Variants in SMCR8 observed in about 807,000 individuals in gnomAD.
The protein encoded by SMCR8 is SMCR8-C9orf72 complex subunit, also known as guanine nucleotide exchange protein SMCR8.
A neutral mutation model predicts 56.6 loss-of-function variants in SMCR8; 30 were observed. The ratio of observed to expected loss-of-function variants is 0.53; its 90% CI spans 0.40 to 0.72. SMCR8 has a LOEUF of 0.72. SMCR8 is among the 30% of genes least tolerant of loss of function. SMCR8 has a pLI of 0.00. For missense variants in SMCR8, 1,198 were observed against 1,157.0 expected (o/e 1.04, Z -0.51); for synonymous variants, 538 against 456.0 (o/e 1.18, Z -2.29).
At position 18,317,426 on chromosome 17, in the gene SMCR8, C is replaced by T. The variant is rs778101254; in HGVS notation, c.1637C>T (p.Ser546Leu). ...SYPSAINEEE[S>L]YPDGNEGAIR... ...CCAAGTGCCATTAATGAAGAAGAAT[C>T]ATATCCAGATGGCAATGAAGGAGCC... The change falls in exon 1 of 2, where the codon TCA becomes TTA. Residue 546 changes from serine (S) to leucine (L), a missense_variant. By Grantham distance (145) the Ser-to-Leu change is moderately radical (BLOSUM62 -2). Transcript: ENST00000406438. 1.7e-5 allele frequency: 28 copies of T among 1,613,964 alleles called. No individual in the cohort carries two copies. The highest frequency in any genetic ancestry group is 2.2e-5 in the Non-Finnish European group (26 of 1,180,042).
Position 18,315,908 on chromosome 17 carries a change from AG to A in SMCR8, c.122del (p.Gly41ValfsTer33). On this transcript the variant is annotated frameshift_variant, in exon 1 of 2. Coordinates refer to ENST00000406438, the MANE Select transcript of SMCR8 (RefSeq NM_144775.3). LOFTEE classifies it high-confidence loss of function. Reference protein sequence around the residue: ...YSVPLFPFASQGANPWSKLSG... With the variant: ...YSVPLFPFASXGANPWSKLSG... ...GTGCCGCTCTTCCCCTTCGCCAGTCAGGGTGCTAACCCCTGGTCAAAACTGT... is the reference window on the plus strand; with the variant it reads ...GTGCCGCTCTTCCCCTTCGCCAGTCAGGTGCTAACCCCTGGTCAAAACTGT... The A allele has an allele frequency of 6.2e-7, 1 of 1,614,182 alleles. No individual in the cohort carries two copies. Among genetic ancestry groups the A allele is most frequent in the Non-Finnish European group, 8.5e-7 (1 of 1,180,034 alleles).
In SMCR8 at chr17:18,323,110, G is replaced by GGTAT; in HGVS notation, c.*42_*45dup. 1.3e-6 allele frequency: 2 copies of GGTAT among 1,555,498 alleles called. No individual in the cohort carries two copies. Among genetic ancestry groups the GGTAT allele is most frequent in the Non-Finnish European group, 1.8e-6 (2 of 1,138,530 alleles). On this transcript the variant is annotated 3_prime_UTR_variant, in exon 2 of 2. Transcript: ENST00000406438. ...ACTGTGACCAAGACCTGTGACTCAGGGTATGGGGAGGGGAGGGGTTGGCAT... is the reference window on the plus strand; with the variant it reads ...ACTGTGACCAAGACCTGTGACTCAGGGTATGTATGGGGAGGGGAGGGGTTGGCAT...
chr17:18,319,035 C>T (rs753076442), intron 1 of SMCR8, among the ~76,000 whole-genome samples: 1 of 152,134 alleles, frequency 6.6e-6, no homozygotes, highest in Non-Finnish European at 1.5e-5. Flanking sequence ...CGGGGCCAAA[C>T]GGGAATGGGA....
Position 18,317,221 on chromosome 17 carries a change from G to A in SMCR8, c.1432G>A (p.Glu478Lys), listed in dbSNP as rs1175621320. The A allele has an allele frequency of 6.2e-7, 1 of 1,614,020 alleles. No homozygotes were observed. Among genetic ancestry groups the A allele is most frequent in the East Asian group, 2.2e-5 (1 of 44,888 alleles). The change falls in exon 1 of 2, where the codon GAG becomes AAG. Residue 478 changes from glutamate (E) to lysine (K), a missense_variant. Physicochemically the swap from Glu to Lys is moderately conservative, Grantham distance 56. Coordinates refer to ENST00000406438, the MANE Select transcript of SMCR8 (RefSeq NM_144775.3). ...TGAAAGTATTGAAGTTTTGGGCACG[G>A]AGAAATCCACCTCCGTGCTTTCTAA... is the stretch of plus-strand genomic sequence containing the variant. The part of the protein sequence containing the change: ...SGESIEVLGT[E>K]KSTSVLSKSD...
chr17:18,322,698 C>G lies in SMCR8; in HGVS notation c.2442C>G (p.Asn814Lys). The G allele has an allele frequency of 6.2e-7, 1 of 1,614,278 alleles. No individual in the cohort carries two copies. Among genetic ancestry groups the G allele is most frequent in the Non-Finnish European group, 8.5e-7 (1 of 1,180,054 alleles). ...ACACGAGCATCCTGGACCTTGACAACAAAACCCTGCGCTGCCCCCTTTACA... is the reference window on the plus strand; with the variant it reads ...ACACGAGCATCCTGGACCTTGACAAGAAAACCCTGCGCTGCCCCCTTTACA... ...SRYTSILDLD[N>K]KTLRCPLYRG... The change falls in exon 2 of 2, where the codon AAC becomes AAG. Residue 814 changes from asparagine (N) to lysine (K), a missense_variant. Physicochemically the swap from Asn to Lys is moderately conservative, Grantham distance 94. Transcript: ENST00000406438.
intron 1 of SMCR8, among the ~76,000 whole-genome samples, chr17:18,320,843 T>C (rs1320755592): frequency 6.6e-6 from 1 of 152,126 alleles, no homozygotes; most frequent in Non-Finnish European, 1.5e-5. Context: ...TGCCACACCC[T>C]CCTCAGTCCC....
At position 18,318,580 on chromosome 17, in the gene SMCR8, T is replaced by C. The variant is rs375437505; in HGVS notation, c.2360+431T>C. On this transcript the variant is annotated intron_variant, in intron 1 of 1. Coordinates refer to ENST00000406438, the MANE Select transcript of SMCR8 (RefSeq NM_144775.3). ...CACCACACCCGGCTAACTTTTCTAT[T>C]TTTAGTAGAGACAGGGTTTCACCAT... 4.6e-5 allele frequency among the ~76,000 whole-genome samples: 7 copies of C among 152,102 alleles called. No individual in the cohort carries two copies. In the South Asian group the frequency reaches 1.5e-3, roughly 32 times the overall value.
In SMCR8 at chr17:18,322,786, T is replaced by C. The variant is rs756018525; in HGVS notation, c.2530T>C (p.Tyr844His). The part of the protein sequence containing the change: ...RTQIKRGSTY[Y>H]LHVQSMLTQL... ...ACAGATCAAGCGGGGCAGCACCTAC[T>C]ACCTGCATGTCCAGAGCATGCTCAC... Residue 844 changes from tyrosine (Y) to histidine (H), a missense_variant, in exon 2 of 2, where the codon TAC (tyrosine) becomes CAC (histidine). Coordinates refer to ENST00000406438, the MANE Select transcript of SMCR8 (RefSeq NM_144775.3). The C allele has an allele frequency of 6.2e-7, 1 of 1,613,998 alleles. No homozygotes were observed. The highest frequency in any genetic ancestry group is 8.5e-7 in the Non-Finnish European group (1 of 1,179,950).
chr17:18,323,381 T>C lies in SMCR8; in HGVS notation c.*311T>C, dbSNP rs1982561021. ...GGCAGAAGGGAAGCCACCAGTCCCT[T>C]GGTGGGGCAGGGTGAGGGCAGGAAG... On this transcript the variant is annotated 3_prime_UTR_variant, in exon 2 of 2. Transcript: ENST00000406438. 5.5e-6 allele frequency: 2 copies of C among 365,862 alleles called. No homozygotes were observed. The highest frequency in any genetic ancestry group is 1.0e-5 in the Non-Finnish European group (2 of 198,646). 22.7% of individuals were successfully genotyped at this position (365,862 alleles called of 1,614,324 possible).
At position 18,317,512 on chromosome 17, in the gene SMCR8, G is replaced by A. The variant is rs1487690425; in HGVS notation, c.1723G>A (p.Glu575Lys). The A allele has an allele frequency of 2.5e-6, 4 of 1,614,054 alleles. No individual in the cohort carries two copies. Among genetic ancestry groups the A allele is most frequent in the Middle Eastern group, 1.6e-4 (1 of 6,062 alleles). Residue 575 changes from glutamate (E) to lysine (K), a missense_variant, in exon 1 of 2, where the codon GAA becomes AAA. Transcript: ENST00000406438. ...GGGTGAGACAGAGGAAGGCAGCATA[G>A]AAAACACCCCATCACAAATAGACTC... ...ELGETEEGSI[E>K]NTPSQIDSSC...
intron 1 of SMCR8, among the ~76,000 whole-genome samples, chr17:18,320,581 G>A (rs1180106701): frequency 6.6e-6 from 1 of 152,226 alleles, no homozygotes; most frequent in East Asian, 1.9e-4. Context: ...CCACTTTAGG[G>A]AGGTGAGGGT....
rs761612522 is a variant in SMCR8 at position 18,316,609 on chromosome 17, A to C, written c.820A>C (p.Ile274Leu). Reference protein sequence around the residue: ...HDLCPGEMEHIQDQASQASTT... With the variant: ...HDLCPGEMEHLQDQASQASTT... ...TTTGTGTCCTGGTGAGATGGAGCACATCCAGGATCAGGCCAGCCAGGCATC... is the reference window on the plus strand; with the variant it reads ...TTTGTGTCCTGGTGAGATGGAGCACCTCCAGGATCAGGCCAGCCAGGCATC... Residue 274 changes from isoleucine (I) to leucine (L), a missense_variant, in exon 1 of 2, where the codon ATC becomes CTC. Physicochemically the swap from Ile to Leu is conservative, Grantham distance 5 (BLOSUM62 2). Coordinates refer to ENST00000406438, the MANE Select transcript of SMCR8 (RefSeq NM_144775.3). 1 of 1,614,188 alleles carries C rather than the reference A, an allele frequency of 6.2e-7. No homozygotes were observed. The highest frequency in any genetic ancestry group is 8.5e-7 in the Non-Finnish European group (1 of 1,180,030).
chr17:18,319,994 C>T lies in SMCR8; in HGVS notation c.2360+1845C>T, dbSNP rs1250820797. On this transcript the variant is annotated intron_variant, in intron 1 of 1. Coordinates refer to ENST00000406438, the MANE Select transcript of SMCR8 (RefSeq NM_144775.3). ...AGTACTGGGATTATAGGCGTGAGCCCGGCCCTGCTGTCATTTTAAGTGAAC... is the reference window on the plus strand; with the variant it reads ...AGTACTGGGATTATAGGCGTGAGCCTGGCCCTGCTGTCATTTTAAGTGAAC... Among the ~76,000 whole-genome samples the T allele has an allele frequency of 3.3e-5, 5 of 152,332 alleles. No individual in the cohort carries two copies. The East Asian group carries it at 9.6e-4, about 29-fold the overall frequency.
Position 18,324,396 on chromosome 17 carries a change from TG to T in SMCR8, c.*1328del. 6.6e-6 allele frequency: 1 copy of T among 152,432 alleles called. No homozygotes were observed. Among genetic ancestry groups the T allele is most frequent in the South Asian group, 2.1e-4 (1 of 4,830 alleles). The allele number at this position is 152,432 out of a possible 1,614,324, so 9.4% of individuals were successfully genotyped here. A position where few individuals can be genotyped will look rare whatever the true frequency, so the allele number is the denominator to read the frequency against. On this transcript the variant is annotated 3_prime_UTR_variant, in exon 2 of 2. Coordinates refer to ENST00000406438, the MANE Select transcript of SMCR8 (RefSeq NM_144775.3). ...CCGAGCCTCCTTAGGCAATGGCCAC[TG>T]GTTTGTAGACAGAGAGTTTCTTGCA...
At chr17:18,319,458 A>G (rs1263140744) in intron 1 of SMCR8, among the ~76,000 whole-genome samples, 1 of 152,020 alleles carries the variant, frequency 6.6e-6, no homozygotes, top group Non-Finnish European at 1.5e-5. Flanking sequence ...TGACCTTCCT[A>G]TCCTCGGAGG....
chr17:18,317,582 C>T lies in SMCR8; in HGVS notation c.1793C>T (p.Pro598Leu), dbSNP rs780272538. ...GKESDGQLVLPSTPAHTHSDE... is the reference protein window; with the variant it reads ...GKESDGQLVLLSTPAHTHSDE... The stretch of plus-strand genomic sequence containing the variant: ...GAGAGCGATGGTCAGTTGGTGCTGC[C>T]CTCCACTCCAGCCCACACACACTCT... The change falls in exon 1 of 2, where the codon CCC becomes CTC. Residue 598 changes from proline (P) to leucine (L), a missense_variant. Coordinates refer to ENST00000406438, the MANE Select transcript of SMCR8 (RefSeq NM_144775.3). 1.2e-5 allele frequency: 19 copies of T among 1,614,090 alleles called. No individual in the cohort carries two copies. The highest frequency in any genetic ancestry group is 1.5e-5 in the Non-Finnish European group (18 of 1,180,028).
chr17:18,316,518 C>T lies in SMCR8; in HGVS notation c.729C>T (p.Ile243=), dbSNP rs1457655291. 1.2e-6 allele frequency: 2 copies of T among 1,614,170 alleles called. No homozygotes were observed. Among genetic ancestry groups the T allele is most frequent in the South Asian group, 2.2e-5 (2 of 91,084 alleles). The change falls in exon 1 of 2, where the codon ATC becomes ATT. Residue 243 remains isoleucine, a synonymous_variant. Transcript: ENST00000406438. ...ANELASVEKS[I]IEHQDLLKQI... ...AACTGGCCAGTGTGGAGAAGTCCAT[C>T]ATTGAACATCAAGACCTGCTGAAGC...
rs1223781040 is a variant in SMCR8, at chr17:18,327,326, G to A, written c.*4256G>A. ...TCTGTTGGTAGGGGCCCAGCTTCTT[G>A]GGAGTGCTTATTCAGCCCAAGAGTG... On this transcript the variant is annotated 3_prime_UTR_variant, in exon 2 of 2. Coordinates refer to ENST00000406438, the MANE Select transcript of SMCR8 (RefSeq NM_144775.3). The A allele has an allele frequency of 6.6e-6, 1 of 152,300 alleles. No homozygotes were observed. The highest frequency in any genetic ancestry group is 2.4e-5 in the African/African-American group (1 of 41,462). 9.4% of individuals were successfully genotyped at this position (152,300 alleles called of 1,614,324 possible).
In SMCR8 at chr17:18,316,486, G is replaced by C. The variant is rs767563177; in HGVS notation, c.697G>C (p.Ala233Pro). ...GFYSSQAIEK[A>P]NELASVEKSI... ...TTACTCATCTCAGGCAATTGAGAAAGCCAATGAACTGGCCAGTGTGGAGAA... is the reference window on the plus strand; with the variant it reads ...TTACTCATCTCAGGCAATTGAGAAACCCAATGAACTGGCCAGTGTGGAGAA... The change falls in exon 1 of 2, where the codon GCC becomes CCC. Residue 233 changes from alanine to proline, a missense_variant. Ala to Pro is a conservative substitution (Grantham distance 27). Transcript: ENST00000406438. The C allele has an allele frequency of 6.2e-7, 1 of 1,614,156 alleles. No homozygotes were observed. The highest frequency in any genetic ancestry group is 8.5e-7 in the Non-Finnish European group (1 of 1,180,030).
Sources: allele counts gnomAD v4.1 joint callset (sites outside exome capture counted in the v4.1 genomes callset), GRCh38; gene constraint gnomAD v4.1.1; transcripts MANE v1.5; gene names NCBI Gene and HGNC (gene_info 2026-07-23, HGNC 2026-07-21).